Variants in MYO3B observed in about 807,000 individuals in gnomAD.
The protein encoded by MYO3B is myosin-IIIb.
In MYO3B, 156 loss-of-function variants were observed where a neutral mutation model predicts 174.6. The ratio of observed to expected loss-of-function variants is 0.89; its 90% CI spans 0.78 to 1.02. The LOEUF (loss-of-function observed/expected upper bound fraction) is 1.02, where lower values mean the gene tolerates loss of function less well. MYO3B is among the 50% of genes least tolerant of loss of function. The pLI, the probability that MYO3B is intolerant of heterozygous loss-of-function variation, is 0.00. For synonymous variants in MYO3B, 563 were observed against 569.1 expected (o/e 0.99, Z 0.15); for missense variants, 1,632 against 1,639.4 (o/e 1.00, Z 0.08).
intron 7 of MYO3B, among the ~76,000 whole-genome samples, chr2:170,265,851 G>T (rs1413233043): frequency 1.3e-5 from 2 of 151,952 alleles, no homozygotes; most frequent in African/African-American, 2.4e-5. Flanking sequence ...GCAACAAGAT[G>T]AAAACACATG....
intron 3 of MYO3B, among the ~76,000 whole-genome samples, chr2:170,204,534 T>C (rs757213658): frequency 6.6e-5 from 10 of 152,240 alleles, no homozygotes; most frequent in Non-Finnish European, 1.5e-4. Context: ...GATGACTGTC[T>C]TAGCAAATGC....
In MYO3B at chr2:170,498,677, G is replaced by C. The variant is rs760443182; in HGVS notation, c.3100G>C (p.Asp1034His). 2 of 1,613,022 alleles carry C rather than the reference G, an allele frequency of 1.2e-6. No homozygotes were observed. Among genetic ancestry groups the C allele is most frequent in the African/African-American group, 1.3e-5 (1 of 74,900 alleles). Residue 1034 changes from aspartate to histidine, a missense_variant, in exon 26 of 35, where the codon GAT becomes CAT. Physicochemically the swap from Asp to His is moderately conservative, Grantham distance 81. Coordinates refer to ENST00000408978, the MANE Select transcript of MYO3B (RefSeq NM_138995.5). ...GGCTATCTTGGAAAAGTCCAGATTA[G>C]ATCACTGGGTACTGGGAAAAACAAA... ...CVAILEKSRL[D>H]HWVLGKTKVF...
At chr2:170,317,299 A>G (rs1391237773) in intron 7 of MYO3B, among the ~76,000 whole-genome samples, 1 of 114,414 alleles carries the variant, frequency 8.7e-6, no homozygotes, top group Non-Finnish European at 2.1e-5. Flanking sequence ...TGTTGACTAC[A>G]TAAGTCTGTT....
intron 1 of MYO3B, among the ~76,000 whole-genome samples, chr2:170,195,117 C>T (rs1432261637): frequency 6.6e-6 from 1 of 151,912 alleles, no homozygotes; most frequent in Non-Finnish European, 1.5e-5. Flanking sequence ...TTTGCAACAC[C>T]CTCACAGACA....
At chr2:170,230,154 G>A (rs905612555) in intron 6 of MYO3B, among the ~76,000 whole-genome samples, 2 of 150,780 alleles carry the variant, frequency 1.3e-5, no homozygotes, top group East Asian at 3.9e-4. Flanking sequence ...TAATCTCATG[G>A]GGACCTAGTT....
intron 25 of MYO3B, among the ~76,000 whole-genome samples, chr2:170,472,558 A>G (rs1559034985): frequency 6.6e-6 from 1 of 151,896 alleles, no homozygotes; most frequent in Non-Finnish European, 1.5e-5. Context: ...CTGAGTTAGG[A>G]TCTCTTTTGA....
chr2:170,381,264 G>A (rs555221951), intron 9 of MYO3B, among the ~76,000 whole-genome samples: 56 of 152,140 alleles, frequency 3.7e-4, no homozygotes, highest in Non-Finnish European at 1.8e-4. Flanking sequence ...AAGTGGGTAA[G>A]GTAGATAGGT....
At chr2:170,480,991 T>G (rs976589764) in intron 25 of MYO3B, among the ~76,000 whole-genome samples, 2 of 152,228 alleles carry the variant, frequency 1.3e-5, no homozygotes, top group Non-Finnish European at 2.9e-5. Flanking sequence ...CCATATTCCC[T>G]TATTAAGCCC....
chr2:170,357,829 G>T, intron 8 of MYO3B, among the ~76,000 whole-genome samples: 1 of 152,264 alleles, frequency 6.6e-6, no homozygotes, highest in South Asian at 2.1e-4. Context: ...AGAAATGTTC[G>T]TAGTAGCAAT....
chr2:170,304,898 G>GTT (rs201296686), intron 7 of MYO3B, among the ~76,000 whole-genome samples: 14 of 147,802 alleles, frequency 9.5e-5, no homozygotes, highest in African/African-American at 2.5e-4. Flanking sequence ...TTTGTTTAAG[G>GTT]TTTATTTTTT....
At chr2:170,224,476 C>A (rs1000064714) in intron 6 of MYO3B, among the ~76,000 whole-genome samples, 4 of 152,100 alleles carry the variant, frequency 2.6e-5, no homozygotes, top group Admixed American at 1.3e-4. Flanking sequence ...AACTGAGACA[C>A]CAGCTCATAT....
At chr2:170,639,493 G>A (rs1697789453) in intron 32 of MYO3B, among the ~76,000 whole-genome samples, 1 of 152,100 alleles carries the variant, frequency 6.6e-6, no homozygotes, top group South Asian at 2.1e-4. Flanking sequence ...GAATATTCTG[G>A]GGCCTCAGAA....
At chr2:170,359,662 C>A (rs1247159229) in intron 8 of MYO3B, among the ~76,000 whole-genome samples, 1 of 152,214 alleles carries the variant, frequency 6.6e-6, no homozygotes, top group Non-Finnish European at 1.5e-5. Flanking sequence ...ACTGTACCCT[C>A]CGCTTGGAAT....
intron 8 of MYO3B, among the ~76,000 whole-genome samples, chr2:170,353,686 T>C (rs73975621): frequency 0.034 from 5,214 of 152,276 alleles, 130 homozygotes; most frequent in African/African-American, 0.057. Flanking sequence ...TCTCTGTACC[T>C]TTCTCTCAAT....
At chr2:170,222,987 C>T (rs2092917020) in intron 6 of MYO3B, among the ~76,000 whole-genome samples, 1 of 152,140 alleles carries the variant, frequency 6.6e-6, no homozygotes, top group Non-Finnish European at 1.5e-5. Flanking sequence ...CACACATAGA[C>T]TGTCTGCACT....
chr2:170,624,167 A>G (rs1006654350), intron 32 of MYO3B, among the ~76,000 whole-genome samples: 4 of 152,208 alleles, frequency 2.6e-5, no homozygotes, highest in Non-Finnish European at 5.9e-5. Flanking sequence ...CTAGGGCAGT[A>G]TGGTCATTTT....
intron 25 of MYO3B, among the ~76,000 whole-genome samples, chr2:170,481,986 C>A (rs1685717754): frequency 6.6e-6 from 1 of 152,100 alleles, no homozygotes; most frequent in Admixed American, 6.5e-5. Flanking sequence ...TATGGTTTGG[C>A]TGTGTCCTCA....
At chr2:170,523,656 C>T (rs1688818186) in intron 30 of MYO3B, among the ~76,000 whole-genome samples, 1 of 152,202 alleles carries the variant, frequency 6.6e-6, no homozygotes, top group South Asian at 2.1e-4. Flanking sequence ...CCCCTTGCAT[C>T]TCTTTGCTTT....
intron 7 of MYO3B, among the ~76,000 whole-genome samples, chr2:170,250,323 G>A (rs1321733428): frequency 2.6e-5 from 4 of 152,158 alleles, no homozygotes; most frequent in Non-Finnish European, 5.9e-5. Flanking sequence ...CTGGACCATA[G>A]GCTCAACATT....
Sources: gnomAD v4.1 joint callset for allele counts (sites outside exome capture counted in the v4.1 genomes callset) on GRCh38, gnomAD v4.1.1 for gene constraint, MANE v1.5 for transcripts, NCBI Gene and HGNC (gene_info 2026-07-23, HGNC 2026-07-21) for gene names.